UPRT: variants seen among roughly 807,000 people sequenced by gnomAD.
UPRT encodes the protein RP11-311P8.3.
UPRT carries 5 observed loss-of-function variants against 22.6 expected under a neutral mutation model. That is an observed-to-expected ratio of 0.22 (90% CI 0.12 to 0.47). The LOEUF (loss-of-function observed/expected upper bound fraction) is 0.47, where lower values mean the gene tolerates loss of function less well. UPRT is among the 20% of genes least tolerant of loss of function. The pLI is 0.99. For synonymous variants in UPRT, 77 were observed against 87.7 expected, an observed-to-expected ratio of 0.88 and a Z score of 0.68; for missense variants, 181 against 239.9, an observed-to-expected ratio of 0.75 and a Z score of 1.62.
intron 4 of UPRT, among the ~76,000 whole-genome samples, chrX:75,236,873 C>T (rs781135925): frequency 1.8e-5 from 2 of 112,334 alleles, no homozygotes; most frequent in East Asian, 2.8e-4. Flanking sequence ...CATTACCATT[C>T]AGGACATAGG....
At chrX:75,266,902 C>T (rs939108269) in intron 4 of UPRT, among the ~76,000 whole-genome samples, 26 of 111,440 alleles carry the variant, frequency 2.3e-4, no homozygotes, top group African/African-American at 6.5e-4. Flanking sequence ...CATCTCACAC[C>T]AGTTAGAATG....
At chrX:75,217,534 T>A (rs774883719) in intron 4 of UPRT, among the ~76,000 whole-genome samples, 2 of 112,008 alleles carry the variant, frequency 1.8e-5, no homozygotes, top group South Asian at 7.6e-4. Flanking sequence ...CCTTGTAAGT[T>A]AGATTCCTAG....
chrX:75,231,489 A>G (rs915055660), intron 4 of UPRT, among the ~76,000 whole-genome samples: 6 of 112,464 alleles, frequency 5.3e-5, no homozygotes, highest in Non-Finnish European at 7.5e-5. Context: ...GTTGTTCCTG[A>G]GGAAAAGAGA....
At chrX:75,166,089 A>G (rs1052562151) in intron 3 of UPRT, among the ~76,000 whole-genome samples, 3 of 112,040 alleles carry the variant, frequency 2.7e-5, no homozygotes, top group African/African-American at 9.7e-5. Context: ...TCAATACCAG[A>G]ATATCCTCGG....
intron 4 of UPRT, among the ~76,000 whole-genome samples, chrX:75,177,445 C>G (rs949592109): frequency 9.0e-6 from 1 of 110,975 alleles, no homozygotes; most frequent in African/African-American, 3.3e-5. Flanking sequence ...GAGGACCGAC[C>G]GAGAAAAATC....
At chrX:75,188,172 T>C (rs1371017425) in intron 4 of UPRT, among the ~76,000 whole-genome samples, 1 of 112,068 alleles carries the variant, frequency 8.9e-6, no homozygotes, top group Admixed American at 9.5e-5. Context: ...CTTCTGGTCT[T>C]TGATGATGGT....
At chrX:75,160,902 G>T (rs923091723) in intron 2 of UPRT, among the ~76,000 whole-genome samples, 5 of 111,837 alleles carry the variant, frequency 4.5e-5, no homozygotes, top group African/African-American at 1.6e-4. Context: ...TATTTGAAAA[G>T]TATATGTATG....
At chrX:75,227,494 G>A (rs920899710) in intron 4 of UPRT, among the ~76,000 whole-genome samples, 12 of 111,465 alleles carry the variant, frequency 1.1e-4, no homozygotes, top group Admixed American at 6.7e-4. Flanking sequence ...TTCCACATTC[G>A]ATGAATGAAG....
intron 1 of UPRT, among the ~76,000 whole-genome samples, chrX:75,286,882 A>G (rs2082683925): frequency 9.0e-6 from 1 of 111,569 alleles, no homozygotes; most frequent in South Asian, 3.7e-4. Flanking sequence ...TCTCATTGCT[A>G]AAGTGGTAGT....
chrX:75,200,638 T>TC (rs2082344857), intron 4 of UPRT, among the ~76,000 whole-genome samples: 1 of 111,197 alleles, frequency 9.0e-6, no homozygotes, highest in Non-Finnish European at 1.9e-5. Context: ...GTCACATCAT[T>TC]CTTTTTTTTT....
chrX:75,247,612 A>G (rs1455854281), intron 4 of UPRT, among the ~76,000 whole-genome samples: 2 of 112,654 alleles, frequency 1.8e-5, no homozygotes, highest in Non-Finnish European at 3.8e-5. Context: ...ACCATAGCTC[A>G]AGGAGGCCTG....
upstream of UPRT, among the ~76,000 whole-genome samples, chrX:75,270,664 C>G (rs1382462152): frequency 1.8e-5 from 2 of 111,344 alleles, no homozygotes; most frequent in Non-Finnish European, 3.8e-5. Flanking sequence ...GAACAGAAAA[C>G]CAAACACCTC....
Position 75,231,485 on chromosome X carries a change from C to T in UPRT, c.-446-59539C>T, listed in dbSNP as rs187189370. On this transcript the variant is annotated intron_variant, in intron 4 of 13. Coordinates refer to the UPRT transcript ENST00000652605. Reference sequence around the variant, plus strand: ...ACCAAACATAAGAATAATTGTTGTTCCTGAGGAAAAGAGAAATCTAAAAGT... The same window carrying T: ...ACCAAACATAAGAATAATTGTTGTTTCTGAGGAAAAGAGAAATCTAAAAGT... 9.8e-3 allele frequency among the ~76,000 whole-genome samples: 1,097 copies of T among 111,815 alleles called. 16 individuals are homozygous for T. Among genetic ancestry groups the T allele is most frequent in the African/African-American group, 0.034 (1,048 of 30,793 alleles).
intron 4 of UPRT, among the ~76,000 whole-genome samples, chrX:75,195,566 C>T (rs2082330414): frequency 8.9e-6 from 1 of 112,236 alleles, no homozygotes; most frequent in Non-Finnish European, 1.9e-5. Context: ...TTCTCACTGC[C>T]AGCTGAAGTG....
intron 4 of UPRT, among the ~76,000 whole-genome samples, chrX:75,173,919 C>A (rs1187639582): frequency 1.8e-5 from 2 of 111,931 alleles, no homozygotes; most frequent in Non-Finnish European, 1.9e-5. Context: ...CCCACGCCTA[C>A]CCGGAACTCC....
intron 2 of UPRT, among the ~76,000 whole-genome samples, chrX:75,161,940 G>A (rs1021831521): frequency 1.8e-5 from 2 of 110,975 alleles, no homozygotes; most frequent in East Asian, 2.8e-4. Context: ...GCTTTATCTC[G>A]ACAAAAATAA....
At chrX:75,250,775 C>T (rs2082526492) in intron 4 of UPRT, among the ~76,000 whole-genome samples, 1 of 111,828 alleles carries the variant, frequency 8.9e-6, no homozygotes, top group Non-Finnish European at 1.9e-5. Context: ...GAATTTTAGA[C>T]TAATATCCTT....
chrX:75,251,560 A>G (rs1183019494), intron 4 of UPRT, among the ~76,000 whole-genome samples: 2 of 111,726 alleles, frequency 1.8e-5, no homozygotes, highest in African/African-American at 6.5e-5. Context: ...ATGAAATAAA[A>G]GAGGATACAA....
intron 4 of UPRT, among the ~76,000 whole-genome samples, chrX:75,198,298 G>A (rs2082338478): frequency 8.9e-6 from 1 of 112,773 alleles, no homozygotes; most frequent in Admixed American, 9.4e-5. Context: ...AGACTGGAAA[G>A]TAGCATAAGG....
Sources: allele counts gnomAD v4.1 joint callset (sites outside exome capture counted in the v4.1 genomes callset), GRCh38; gene constraint gnomAD v4.1.1; transcripts MANE v1.5; gene names NCBI Gene and HGNC (gene_info 2026-07-23, HGNC 2026-07-21).